MDGA1: variants seen among roughly 807,000 people sequenced by gnomAD.
MDGA1 encodes MAM domain-containing glycosylphosphatidylinositol anchor protein 1.
Under a neutral mutation model 101.5 loss-of-function variants are expected in MDGA1, and 54 were observed. The observed-to-expected ratio is 0.53, with a 90% CI of 0.43 to 0.67. The LOEUF (loss-of-function observed/expected upper bound fraction) is 0.67, where lower values mean the gene tolerates loss of function less well. Among genes scored for constraint, MDGA1 ranks in the 30% least tolerant of loss-of-function variants. The pLI, the probability that MDGA1 is intolerant of heterozygous loss-of-function variation, is 0.00. For missense variants in MDGA1, 1,083 were observed against 1,323.8 expected, an observed-to-expected ratio of 0.82 and a Z score of 2.82; for synonymous variants, 533 against 558.3, an observed-to-expected ratio of 0.95 and a Z score of 0.64.
At chr6:37,643,977 C>A in intron 13 of MDGA1, 34 bp from the exon 14 acceptor site, 1 of 1,610,420 alleles carries the variant, frequency 6.2e-7, no homozygotes, top group South Asian at 1.1e-5. Flanking sequence ...CAACAGCCCC[C>A]AAGACAGCCA....
Position 37,696,693 on chromosome 6 carries a change from CAA to C in MDGA1, c.67+50_67+51del. 2 of 1,532,812 alleles carry C rather than the reference CAA, an allele frequency of 1.3e-6. No homozygotes were observed. Among genetic ancestry groups the C allele is most frequent in the South Asian group, 2.4e-5 (2 of 83,666 alleles). The allele number at this position is 1,532,812 out of a possible 1,614,324, so 95.0% of individuals were successfully genotyped here. On this transcript the variant is annotated intron_variant, in intron 1 of 16. Transcript: ENST00000434837. The surrounding 1 kb of genome is among the most constrained non-coding windows in gnomAD (Gnocchi z 5.6). ...GGCAGCGCGCACTTTGCGCCTCTTG[CAA>C]AGTTTCCGCGCGAGGTTAAGCCAAG...
intron 3 of MDGA1, among the ~76,000 whole-genome samples, chr6:37,658,003 C>T (rs961949349): frequency 6.6e-6 from 1 of 152,206 alleles, no homozygotes; most frequent in Non-Finnish European, 1.5e-5. Flanking sequence ...GAGTGTAAAT[C>T]AACCCATCCT....
At chr6:37,674,932 C>A (rs959198173) in intron 1 of MDGA1, among the ~76,000 whole-genome samples, 7 of 152,202 alleles carry the variant, frequency 4.6e-5, no homozygotes, top group Non-Finnish European at 8.8e-5. Flanking sequence ...TGGCAGGCGC[C>A]TGTAATCCCA....
In MDGA1 at chr6:37,638,726, C is replaced by G; in HGVS notation, c.2537-59G>C. 2 of 1,554,926 alleles carry G rather than the reference C, an allele frequency of 1.3e-6. No individual in the cohort carries two copies. The highest frequency in any genetic ancestry group is 1.2e-5 in the South Asian group (1 of 84,766). On this transcript the variant is annotated intron_variant, in intron 14 of 16. Transcript: ENST00000434837. The surrounding 1 kb of genome is among the most constrained non-coding windows in gnomAD (Gnocchi z 4.8). ...TCTGGCCAGGGCACCCTCACCTTTCCACATTTACCAAGCCCTCTTCTCCCA... is the reference window on the plus strand; with the variant it reads ...TCTGGCCAGGGCACCCTCACCTTTCGACATTTACCAAGCCCTCTTCTCCCA...
At chr6:37,680,940 G>T (rs1193621730) in intron 1 of MDGA1, among the ~76,000 whole-genome samples, 1 of 152,164 alleles carries the variant, frequency 6.6e-6, no homozygotes, top group Admixed American at 6.5e-5. Flanking sequence ...GGGCCTGCTG[G>T]GAAGGCTGGC....
At chr6:37,673,176 T>C (rs1761906364) in intron 1 of MDGA1, among the ~76,000 whole-genome samples, 1 of 152,180 alleles carries the variant, frequency 6.6e-6, no homozygotes, top group African/African-American at 2.4e-5. Context: ...TCTTTCATGC[T>C]AACCGCCATG....
At chr6:37,642,822 T>C (rs1310023405) in intron 14 of MDGA1, among the ~76,000 whole-genome samples, 1 of 152,152 alleles carries the variant, frequency 6.6e-6, no homozygotes, top group Admixed American at 6.6e-5. Flanking sequence ...CCCACTTGCC[T>C]GTAAATGCCA....
intron 1 of MDGA1, among the ~76,000 whole-genome samples, chr6:37,688,344 G>A (rs374991479): frequency 2.6e-5 from 4 of 152,168 alleles, no homozygotes; most frequent in South Asian, 2.1e-4. Context: ...TCTGACATGC[G>A]CCAGGGCTGA....
At chr6:37,680,390 T>C (rs1447941324) in intron 1 of MDGA1, among the ~76,000 whole-genome samples, 2 of 152,040 alleles carry the variant, frequency 1.3e-5, no homozygotes, top group Non-Finnish European at 2.9e-5. Flanking sequence ...GAGAAGCACC[T>C]CCCAAGAGGA....
chr6:37,663,912 GC>G (rs1761682069), intron 2 of MDGA1, 54 bp downstream of exon 2: 4 of 1,602,732 alleles, frequency 2.5e-6, no homozygotes, highest in Non-Finnish European at 3.4e-6. Context: ...TAAGTGCTGA[GC>G]CTAGGCAAGG....
chr6:37,675,276 A>G (rs974940481), intron 1 of MDGA1, among the ~76,000 whole-genome samples: 1 of 152,136 alleles, frequency 6.6e-6, no homozygotes, highest in Non-Finnish European at 1.5e-5. Context: ...AACCTCCTTT[A>G]GCCTCAGTTT....
In MDGA1 at chr6:37,664,121, TGGA is replaced by T. The variant is rs899882423; in HGVS notation, c.68-18_68-16del. ...CTGGGCTGGAGCTGGCAGGAGAGGA[TGGA>T]GGAGGAGGTTTAGAGAAGAGGTGCC... On this transcript the variant is annotated splice_polypyrimidine_tract_variant and intron_variant, in intron 1 of 16. Coordinates refer to ENST00000434837, the MANE Select transcript of MDGA1 (RefSeq NM_153487.4). 6 of 1,613,300 alleles carry T rather than the reference TGGA, an allele frequency of 3.7e-6. No homozygotes were observed. The African/African-American group carries it at 4.0e-5, about 11-fold the overall frequency.
At chr6:37,680,997 C>CT (rs1000511788) in intron 1 of MDGA1, among the ~76,000 whole-genome samples, 4 of 39,742 alleles carry the variant, frequency 1.0e-4, no homozygotes, top group African/African-American at 4.5e-4. Flanking sequence ...TCCTCCTCAG[C>CT]CCCCCCCCCC....
In MDGA1 at chr6:37,644,020, G is replaced by C. The variant is rs45511994; in HGVS notation, c.2402-77C>G. On this transcript the variant is annotated intron_variant, in intron 13 of 16. Transcript: ENST00000434837. Reference sequence around the variant, plus strand: ...TCCTACCTGATTCCCTCTCTGCCTAGGCCTCTGCGGGCTGAATCTGAAGTG... The same window carrying C: ...TCCTACCTGATTCCCTCTCTGCCTACGCCTCTGCGGGCTGAATCTGAAGTG... 2.6e-6 allele frequency: 4 copies of C among 1,559,156 alleles called. No individual in the cohort carries two copies. In the East Asian group the frequency reaches 9.2e-5, roughly 36 times the overall value.
chr6:37,654,139 G>A (rs182215388), intron 6 of MDGA1, 135 bp downstream of exon 6: 7 of 1,002,778 alleles, frequency 7.0e-6, no homozygotes, highest in South Asian at 4.3e-5. Context: ...ATCGAAGGGC[G>A]TGGAACATCC....
At chr6:37,694,824 G>A (rs1043382619) in intron 1 of MDGA1, among the ~76,000 whole-genome samples, 5 of 152,188 alleles carry the variant, frequency 3.3e-5, no homozygotes, top group South Asian at 4.1e-4. Flanking sequence ...AGCACACCCA[G>A]CCCACTTTGA....
At chr6:37,665,448 C>T (rs1360003300) in intron 1 of MDGA1, among the ~76,000 whole-genome samples, 1 of 152,172 alleles carries the variant, frequency 6.6e-6, no homozygotes, top group East Asian at 1.9e-4. Flanking sequence ...TAAGGCCATG[C>T]GAGGCCCGGG....
At position 37,635,484 on chromosome 6, in the gene MDGA1, G is replaced by A. The variant is rs1453605587; in HGVS notation, c.*1884C>T. 2.3e-5 allele frequency: 9 copies of A among 398,562 alleles called. No homozygotes were observed. Among genetic ancestry groups the A allele is most frequent in the Admixed American group, 4.4e-5 (1 of 22,722 alleles). The allele number at this position is 398,562 out of a possible 1,614,324, so 24.7% of individuals were successfully genotyped here. On this transcript the variant is annotated 3_prime_UTR_variant, in exon 17 of 17. Transcript: ENST00000434837. ...CTCATTTCAGACAGAGGCCTTGACT[G>A]GGTCAGGAAGGCAGCCGTGCTGATT...
Position 37,652,234 on chromosome 6 carries a change from G to C in MDGA1, c.1089C>G (p.Pro363=). 6.2e-7 allele frequency: 1 copy of C among 1,613,984 alleles called. No homozygotes were observed. The highest frequency in any genetic ancestry group is 8.5e-7 in the Non-Finnish European group (1 of 1,179,870). Residue 363 remains proline (P), a synonymous_variant, in exon 7 of 17, where the codon CCC becomes CCG. Coordinates refer to ENST00000434837, the MANE Select transcript of MDGA1 (RefSeq NM_153487.4). The surrounding 1 kb of genome is among the most constrained non-coding windows in gnomAD (Gnocchi z 4.3). ...ACCACTGGTAGGTCACCTTCTCCTG[G>C]GGCACTGCATCCACGTGGCACGATA... ...LKLSCHVDAV[P]QEKVTYQWFK... is the part of the protein sequence containing the mutation.
Sources: allele counts gnomAD v4.1 joint callset (sites outside exome capture counted in the v4.1 genomes callset), GRCh38; gene constraint gnomAD v4.1.1; non-coding constraint Gnocchi (gnomAD v3.1); transcripts MANE v1.5; gene names NCBI Gene and HGNC (gene_info 2026-07-23, HGNC 2026-07-21).